CACNA2D3: variants seen among roughly 807,000 people sequenced by gnomAD.
CACNA2D3 encodes voltage-dependent calcium channel subunit alpha-2/delta-3.
CACNA2D3 carries 60 observed loss-of-function variants against 160.6 expected under a neutral mutation model. That is an observed-to-expected ratio of 0.37 (90% confidence interval 0.30 to 0.46). The LOEUF (loss-of-function observed/expected upper bound fraction) is 0.46. CACNA2D3 is among the 20% of genes least tolerant of loss of function. The probability of loss-of-function intolerance (pLI) is 1.00; values close to 1 mark genes in which losing one functional copy is unlikely to be tolerated. For synonymous variants in CACNA2D3, 558 were observed against 492.9 expected (o/e 1.13, Z -1.75); for missense variants, 1,205 against 1,365.0 (o/e 0.88, Z 1.85).
At chr3:54,290,743 G>T (rs1703172564) in intron 2 of CACNA2D3, among the ~76,000 whole-genome samples, 1 of 152,024 alleles carries the variant, frequency 6.6e-6, no homozygotes. Context: ...AAAATGATGA[G>T]TTCATGTCCT....
chr3:54,566,721 A>G (rs546500859), intron 6 of CACNA2D3, among the ~76,000 whole-genome samples: 52 of 152,278 alleles, frequency 3.4e-4, no homozygotes, highest in Non-Finnish European at 6.6e-4. Flanking sequence ...AGCCGTACGC[A>G]GGGGAGTTTG....
At chr3:55,035,937 T>C (rs1703806883) in intron 35 of CACNA2D3, among the ~76,000 whole-genome samples, 1 of 152,220 alleles carries the variant, frequency 6.6e-6, no homozygotes, top group African/African-American at 2.4e-5. Context: ...GTGATGTAGA[T>C]AATTCAAGAG....
chr3:55,042,256 A>G (rs1373854770), intron 35 of CACNA2D3, among the ~76,000 whole-genome samples: 1 of 152,190 alleles, frequency 6.6e-6, no homozygotes, highest in African/African-American at 2.4e-5. Flanking sequence ...AAAATCTCCA[A>G]CTACAATTGT....
chr3:54,919,542 C>T (rs1315416488), intron 27 of CACNA2D3, among the ~76,000 whole-genome samples: 1 of 152,078 alleles, frequency 6.6e-6, no homozygotes. Context: ...GTTATTAAAC[C>T]CAGTTTCCAT....
Position 54,988,909 on chromosome 3 carries a change from G to A in CACNA2D3, c.2690+1156G>A, listed in dbSNP as rs190763043. 2.8e-4 allele frequency among the ~76,000 whole-genome samples: 43 copies of A among 152,250 alleles called. 1 individual carries two copies. Among genetic ancestry groups the A allele is most frequent in the African/African-American group, 9.1e-4 (38 of 41,534 alleles). On this transcript the variant is annotated intron_variant, in intron 31 of 37. Coordinates refer to ENST00000474759, the MANE Select transcript of CACNA2D3 (RefSeq NM_018398.3). ...CTCTCAGGCCTGCCTGTAGCAGATC[G>A]TCCCCTCCTGCTCCCTTCCCTTCTA... is the stretch of plus-strand genomic sequence containing the variant.
intron 11 of CACNA2D3, among the ~76,000 whole-genome samples, chr3:54,695,873 T>C (rs1280421132): frequency 1.3e-5 from 2 of 152,248 alleles, no homozygotes; most frequent in Non-Finnish European, 2.9e-5. Context: ...CTGATTTTTA[T>C]GGTGGTTTTG....
intron 2 of CACNA2D3, among the ~76,000 whole-genome samples, chr3:54,147,475 C>T (rs1424029193): frequency 3.9e-5 from 6 of 152,238 alleles, no homozygotes; most frequent in Non-Finnish European, 8.8e-5. Flanking sequence ...TCCCTCCTTT[C>T]CTTCCTTCAT....
intron 18 of CACNA2D3, among the ~76,000 whole-genome samples, chr3:54,872,931 G>C (rs1250124798): frequency 6.6e-6 from 1 of 152,012 alleles, no homozygotes; most frequent in African/African-American, 2.4e-5. Flanking sequence ...TCTTAGGACT[G>C]TCCTGCACCT....
At chr3:54,844,555 C>A (rs1290991132) in intron 16 of CACNA2D3, among the ~76,000 whole-genome samples, 1 of 152,082 alleles carries the variant, frequency 6.6e-6, no homozygotes, top group Admixed American at 6.5e-5. Context: ...TTTTCTCTTT[C>A]TTCTTTCCCT....
At chr3:54,369,658 G>A (rs1698888990) in intron 3 of CACNA2D3, among the ~76,000 whole-genome samples, 1 of 152,150 alleles carries the variant, frequency 6.6e-6, no homozygotes, top group Non-Finnish European at 1.5e-5. Flanking sequence ...TTCCCCAAGG[G>A]CGTGTCGGCC....
intron 11 of CACNA2D3, among the ~76,000 whole-genome samples, chr3:54,728,571 T>G (rs1280124924): frequency 6.6e-6 from 1 of 152,222 alleles, no homozygotes; most frequent in East Asian, 1.9e-4. Context: ...GTTATCTGGC[T>G]CTGTTTCTTG....
In CACNA2D3 at chr3:54,581,827, GAA is replaced by G; in HGVS notation, c.914_915del (p.Glu305AlafsTer39). 1 of 1,613,676 alleles carries G rather than the reference GAA, an allele frequency of 6.2e-7. No individual in the cohort carries two copies. The highest frequency in any genetic ancestry group is 8.5e-7 in the Non-Finnish European group (1 of 1,179,820). The stretch of plus-strand genomic sequence containing the variant: ...GTATAATGAGGAGCTTCACTATGTG[GAA>G]CCTTGCCTGAATGGAACTTTGGTGC... ...IAYNEELHYV[E>X]PCLNGTLVQA... On this transcript the variant is annotated frameshift_variant, in exon 9 of 38. Transcript: ENST00000474759. LOFTEE classifies it high-confidence loss of function.
At chr3:54,252,616 G>A (rs1475133983) in intron 2 of CACNA2D3, among the ~76,000 whole-genome samples, 6 of 152,166 alleles carry the variant, frequency 3.9e-5, no homozygotes, top group Non-Finnish European at 8.8e-5. Context: ...GGTCTCTGCA[G>A]GCTGCCTGCC....
intron 11 of CACNA2D3, among the ~76,000 whole-genome samples, chr3:54,718,888 G>T (rs1701114640): frequency 6.6e-6 from 1 of 151,766 alleles, no homozygotes; most frequent in Non-Finnish European, 1.5e-5. Flanking sequence ...TTTTCCTAAG[G>T]TTTATTACCA....
chr3:54,279,006 G>A (rs775508651), intron 2 of CACNA2D3, among the ~76,000 whole-genome samples: 5 of 152,158 alleles, frequency 3.3e-5, no homozygotes, highest in African/African-American at 7.2e-5. Flanking sequence ...AGTATTGACA[G>A]CCCAGCTACA....
In CACNA2D3 at chr3:54,642,190, G is replaced by T; in HGVS notation, c.1116G>T (p.Ala372=). 6.2e-7 allele frequency: 1 copy of T among 1,613,170 alleles called. No individual in the cohort carries two copies. Among genetic ancestry groups the T allele is most frequent in the Non-Finnish European group, 8.5e-7 (1 of 1,179,568 alleles). The change falls in exon 11 of 38, where the codon GCG becomes GCT. Residue 372 remains alanine (A), a synonymous_variant. Transcript: ENST00000474759. ...CCATCATGCTCATAACTGATGGGGC[G>T]GTGGACACCTATGATACAATCTTTG... The part of the protein sequence containing the change: ...SQAIMLITDG[A]VDTYDTIFAK...
At chr3:54,143,514 T>A (rs1350731040) in intron 2 of CACNA2D3, among the ~76,000 whole-genome samples, 1 of 152,162 alleles carries the variant, frequency 6.6e-6, no homozygotes, top group Non-Finnish European at 1.5e-5. Flanking sequence ...ATTTTTATAT[T>A]TTTGAGATGG....
chr3:54,226,919 T>C (rs773804717), intron 2 of CACNA2D3, among the ~76,000 whole-genome samples: 2 of 152,248 alleles, frequency 1.3e-5, no homozygotes, highest in Non-Finnish European at 2.9e-5. Context: ...TTTCTAATTG[T>C]TCTCAGTAGG....
Position 55,033,584 on chromosome 3 carries a change from GTATA to G in CACNA2D3, c.2987+15287_2987+15290del, listed in dbSNP as rs36230201. ...ACTATCGTGTCATTTATGTGTGTGT[GTATA>G]TATATATATATATATATATCTCCTT... On this transcript the variant is annotated intron_variant, in intron 35 of 37. Coordinates refer to ENST00000474759, the MANE Select transcript of CACNA2D3 (RefSeq NM_018398.3). Among the ~76,000 whole-genome samples, 980 of 112,796 alleles carry G rather than the reference GTATA, an allele frequency of 8.7e-3. 19 individuals carry two copies. The highest frequency in any genetic ancestry group is 0.023 in the African/African-American group (705 of 30,464). 74.0% of individuals were successfully genotyped at this position (112,796 alleles called of 152,430 possible). A position where few individuals can be genotyped will look rare whatever the true frequency, so the allele number is the denominator to read the frequency against.
Sources: allele counts gnomAD v4.1 joint callset (sites outside exome capture counted in the v4.1 genomes callset), GRCh38; gene constraint gnomAD v4.1.1; transcripts MANE v1.5; gene names NCBI Gene and HGNC (gene_info 2026-07-23, HGNC 2026-07-21).